The following PPFIA1 variants were observed in gnomAD, a reference collection of about 807,000 sequenced individuals.
PPFIA1 encodes liprin-alpha-1.
PPFIA1 carries 25 observed loss-of-function variants against 149.9 expected under a neutral mutation model. That is an observed-to-expected ratio of 0.17 (90% CI 0.12 to 0.23). The LOEUF is 0.23. Among genes scored for constraint, PPFIA1 ranks in the 10% least tolerant of loss-of-function variants. PPFIA1 has a pLI of 1.00. For missense variants in PPFIA1, 1,362 were observed against 1,506.5 expected (o/e 0.90, Z 1.59); for synonymous variants, 549 against 552.8 (o/e 0.99, Z 0.10).
chr11:70,355,711 A>G lies in PPFIA1; in HGVS notation c.2388A>G (p.Lys796=), dbSNP rs1268671989. The change falls in exon 18 of 28, where the codon AAA becomes AAG. Residue 796 remains lysine, a synonymous_variant. Coordinates refer to ENST00000253925, the MANE Select transcript of PPFIA1 (RefSeq NM_003626.5). ...SSNSSQDSLH[K]APKKKGIKSS... Reference sequence around the variant, plus strand: ...ACAGTAGCCAGGACTCGCTCCACAAAGCCCCAAAGAAGAAAGGCATTAAGT... The same window carrying G: ...ACAGTAGCCAGGACTCGCTCCACAAGGCCCCAAAGAAGAAAGGCATTAAGT... The G allele has an allele frequency of 6.2e-7, 1 of 1,614,140 alleles. No homozygotes were observed. Among genetic ancestry groups the G allele is most frequent in the African/African-American group, 1.3e-5 (1 of 75,040 alleles).
At chr11:70,365,428 C>T (rs1395942444) in intron 21 of PPFIA1, 10 of 456,474 alleles carry the variant, frequency 2.2e-5, no homozygotes, top group Non-Finnish European at 4.0e-5. Context: ...GCAGCCACGC[C>T]GCAAACGGTT....
chr11:70,274,983 A>G (rs2050301695), intron 2 of PPFIA1, among the ~76,000 whole-genome samples: 1 of 152,178 alleles, frequency 6.6e-6, no homozygotes, highest in East Asian at 1.9e-4. Flanking sequence ...GTGGAATGCA[A>G]ATGATGGTGT....
chr11:70,292,440 A>G (rs2051599341), intron 2 of PPFIA1, among the ~76,000 whole-genome samples: 1 of 152,246 alleles, frequency 6.6e-6, no homozygotes. Context: ...GCTTGGAGCC[A>G]GCTGGACTCG....
At chr11:70,349,702 T>C (rs1015362371) in intron 16 of PPFIA1, among the ~76,000 whole-genome samples, 5 of 152,232 alleles carry the variant, frequency 3.3e-5, no homozygotes, top group African/African-American at 9.6e-5. Context: ...TTTGAAATAC[T>C]GTTTTTATAA....
chr11:70,275,260 G>A (rs1044093281), intron 2 of PPFIA1, among the ~76,000 whole-genome samples: 5 of 152,114 alleles, frequency 3.3e-5, no homozygotes, highest in African/African-American at 1.2e-4. Context: ...TTTGTGAAAC[G>A]GTTATCTTTT....
chr11:70,325,651 G>T, intron 5 of PPFIA1, 77 bp downstream of exon 5: 1 of 1,190,988 alleles, frequency 8.4e-7, no homozygotes, highest in Non-Finnish European at 1.2e-6. Context: ...GCAGCATAAG[G>T]CCAGACGTGG....
chr11:70,370,815 T>A (rs888390619), intron 21 of PPFIA1, among the ~76,000 whole-genome samples: 12 of 152,308 alleles, frequency 7.9e-5, no homozygotes, highest in South Asian at 2.1e-4. Context: ...TTGAATTTTT[T>A]AAAAATTTTC....
chr11:70,335,752 C>T (rs1192607676), intron 11 of PPFIA1, 58 bp downstream of exon 11: 25 of 1,594,108 alleles, frequency 1.6e-5, no homozygotes, highest in Non-Finnish European at 2.1e-5. Flanking sequence ...AAAGATTGCT[C>T]ATCTGCCCCT....
At chr11:70,298,083 C>T (rs1364258072) in intron 2 of PPFIA1, among the ~76,000 whole-genome samples, 1 of 152,158 alleles carries the variant, frequency 6.6e-6, no homozygotes, top group African/African-American at 2.4e-5. Flanking sequence ...TGACTTTCCT[C>T]TAGAAAGAAA....
chr11:70,377,885 A>G (rs1199286670), intron 25 of PPFIA1, 145 bp from the exon 26 acceptor site: 15 of 694,568 alleles, frequency 2.2e-5, no homozygotes, highest in Middle Eastern at 4.1e-4. Context: ...TGGGCAATAT[A>G]TTGTGTGGTC....
At chr11:70,279,904 G>GTTGTGTGTGTGTGTGTGTGTGTGTGT (rs1565335096) in intron 2 of PPFIA1, among the ~76,000 whole-genome samples, 1 of 98,612 alleles carries the variant, frequency 1.0e-5, no homozygotes. Context: ...GTGTGTGGGG[G>GTTGTGTGTGTGTGTGTGTGTGTGTGT]ATGTGTGTGT....
At chr11:70,370,390 AT>A (rs1382558652) in intron 21 of PPFIA1, among the ~76,000 whole-genome samples, 5 of 148,782 alleles carry the variant, frequency 3.4e-5, no homozygotes, top group Non-Finnish European at 1.5e-5. Flanking sequence ...TTAAGTTTTA[AT>A]TTTTTTTAAT....
chr11:70,338,581 C>CGA lies in PPFIA1; in HGVS notation c.1571+135_1571+136dup, dbSNP rs1239519779. 27 of 686,820 alleles carry CGA rather than the reference C, an allele frequency of 3.9e-5. No homozygotes were observed. In the East Asian group the frequency reaches 6.9e-4, roughly 18 times the overall value. 42.5% of individuals were successfully genotyped at this position (686,820 alleles called of 1,614,324 possible). On this transcript the variant is annotated intron_variant, in intron 13 of 27. Transcript: ENST00000253925. ...AAGGAGCCTGTAGCTTAGTAGGAAG[C>CGA]GAGAGAGAAAAGTAACTCAAAGGTT...
chr11:70,293,383 A>G (rs937517684), intron 2 of PPFIA1, among the ~76,000 whole-genome samples: 5 of 152,148 alleles, frequency 3.3e-5, no homozygotes, highest in African/African-American at 9.7e-5. Flanking sequence ...CCATCAATCA[A>G]CTCTTGGCCC....
chr11:70,331,917 TAGA>T (rs1565405828), intron 8 of PPFIA1, 40 bp from the exon 9 acceptor site: 1 of 1,579,196 alleles, frequency 6.3e-7, no homozygotes, highest in Non-Finnish European at 8.6e-7. Context: ...ACTGATCAGC[TAGA>T]AGATTTGTTG....
chr11:70,336,021 A>G (rs1467933520), intron 11 of PPFIA1, among the ~76,000 whole-genome samples: 1 of 152,178 alleles, frequency 6.6e-6, no homozygotes. Flanking sequence ...TTTTATGCCA[A>G]TCAAGTCATT....
chr11:70,326,925 C>A, intron 7 of PPFIA1, 107 bp downstream of exon 7: 2 of 907,304 alleles, frequency 2.2e-6, no homozygotes, highest in East Asian at 2.5e-5. Context: ...CAATTACTTT[C>A]AACCTTTGGA....
chr11:70,328,228 C>A (rs1031407424), intron 7 of PPFIA1, among the ~76,000 whole-genome samples: 1 of 152,148 alleles, frequency 6.6e-6, no homozygotes. Context: ...TTCCTCCTAT[C>A]CTCCACCCTC....
intron 2 of PPFIA1, among the ~76,000 whole-genome samples, chr11:70,301,828 C>T (rs1221345950): frequency 6.6e-6 from 1 of 152,216 alleles, no homozygotes; most frequent in African/African-American, 2.4e-5. Flanking sequence ...ATAGAGCTCT[C>T]GTCAGACTGC....
Sources: allele counts gnomAD v4.1 joint callset (sites outside exome capture counted in the v4.1 genomes callset), GRCh38; gene constraint gnomAD v4.1.1; transcripts MANE v1.5; gene names NCBI Gene and HGNC (gene_info 2026-07-23, HGNC 2026-07-21).